UNC13C: variants seen among roughly 807,000 people sequenced by gnomAD.
UNC13C encodes the protein unc-13 homolog C.
A neutral mutation model predicts 245.4 loss-of-function variants in UNC13C; 174 were observed. The observed-to-expected ratio is 0.71, with a 90% CI of 0.63 to 0.80. The LOEUF (loss-of-function observed/expected upper bound fraction) is 0.80, where lower values mean the gene tolerates loss of function less well. Ranked by LOEUF, UNC13C falls within the 30% of genes least tolerant of loss-of-function variation. The pLI, the probability that UNC13C is intolerant of heterozygous loss-of-function variation, is 0.00. For synonymous variants in UNC13C, 992 were observed against 895.1 expected, an observed-to-expected ratio of 1.11 and a Z score of -1.93; for missense variants, 2,829 against 2,602.9, an observed-to-expected ratio of 1.09 and a Z score of -1.89.
At chr15:53,867,497 C>T in the UNC13C span, among the ~76,000 whole-genome samples, 3 of 152,194 alleles carry the variant, frequency 2.0e-5, no homozygotes, top group African/African-American at 7.2e-5. Flanking sequence ...ACAACTTCTG[C>T]AGTTCTTTAC....
intron 1 of UNC13C, among the ~76,000 whole-genome samples, chr15:54,005,090 C>A (rs1895076398): frequency 6.6e-6 from 1 of 152,098 alleles, no homozygotes. Flanking sequence ...TCTCTACTCT[C>A]CCTCCAAGTC....
At chr15:54,052,877 A>C (rs1267321939) in intron 2 of UNC13C, among the ~76,000 whole-genome samples, 1 of 152,240 alleles carries the variant, frequency 6.6e-6, no homozygotes, top group Non-Finnish European at 1.5e-5. Context: ...TGATGTGGTT[A>C]CTATCCAGCT....
At chr15:54,150,968 G>T (rs1344066479) in intron 4 of UNC13C, among the ~76,000 whole-genome samples, 1 of 152,136 alleles carries the variant, frequency 6.6e-6, no homozygotes, top group Non-Finnish European at 1.5e-5. Flanking sequence ...TTAAGAAAAT[G>T]GAGCTGTCAT....
chr15:53,854,986 A>G, the UNC13C span, among the ~76,000 whole-genome samples: 54 of 152,264 alleles, frequency 3.5e-4, no homozygotes, highest in African/African-American at 1.3e-3. Flanking sequence ...AGTGGTTTGT[A>G]GTTCTCCTTG....
intron 4 of UNC13C, among the ~76,000 whole-genome samples, chr15:54,228,512 T>A (rs1231296570): frequency 6.6e-6 from 1 of 151,956 alleles, no homozygotes; most frequent in African/African-American, 2.4e-5. Context: ...CCATGGCGAG[T>A]ACTACCTGGC....
chr15:53,923,368 T>G, the UNC13C span, among the ~76,000 whole-genome samples: 3 of 152,206 alleles, frequency 2.0e-5, no homozygotes, highest in Admixed American at 6.5e-5. Context: ...CTAGAAAAAT[T>G]TATTAAGTCT....
intron 17 of UNC13C, among the ~76,000 whole-genome samples, chr15:54,354,530 G>A (rs2140849662): frequency 6.6e-6 from 1 of 152,218 alleles, no homozygotes; most frequent in Non-Finnish European, 1.5e-5. Context: ...CATCTTCCAG[G>A]TATTTGGAAG....
At chr15:54,096,115 G>T (rs1489476513) in intron 2 of UNC13C, among the ~76,000 whole-genome samples, 1 of 152,192 alleles carries the variant, frequency 6.6e-6, no homozygotes, top group East Asian at 1.9e-4. Flanking sequence ...ATTGGAGTTT[G>T]AACTTCATTT....
intron 2 of UNC13C, among the ~76,000 whole-genome samples, chr15:54,103,938 T>C (rs1323184936): frequency 6.7e-6 from 1 of 148,850 alleles, no homozygotes; most frequent in Non-Finnish European, 1.5e-5. Flanking sequence ...AGAGACAGGG[T>C]TTCACCGTGT....
intron 10 of UNC13C, among the ~76,000 whole-genome samples, chr15:54,272,620 T>G (rs1032912130): frequency 1.3e-5 from 2 of 152,112 alleles, no homozygotes; most frequent in Non-Finnish European, 2.9e-5. Flanking sequence ...ATTTATTTAT[T>G]TATTTCTCTT....
chr15:54,384,693 A>G (rs2039799128), intron 17 of UNC13C, among the ~76,000 whole-genome samples: 1 of 152,168 alleles, frequency 6.6e-6, no homozygotes, highest in Non-Finnish European at 1.5e-5. Context: ...GCTTCTGCAC[A>G]ACAGAGAAAC....
the UNC13C span, among the ~76,000 whole-genome samples, chr15:53,944,620 T>G: frequency 3.3e-5 from 5 of 152,154 alleles, no homozygotes; most frequent in Admixed American, 3.3e-4. Context: ...ATAGTATATA[T>G]GTACCACATG....
intron 18 of UNC13C, among the ~76,000 whole-genome samples, chr15:54,413,870 T>C (rs539615157): frequency 3.8e-4 from 58 of 152,318 alleles, no homozygotes; most frequent in African/African-American, 1.4e-3. Context: ...TTCTTTGATA[T>C]AAATATTTTT....
chr15:53,842,668 A>T, the UNC13C span, among the ~76,000 whole-genome samples: 4 of 152,118 alleles, frequency 2.6e-5, no homozygotes, highest in Non-Finnish European at 4.4e-5. Context: ...GGAGATATTA[A>T]ACCTGAAAAT....
intron 30 of UNC13C, among the ~76,000 whole-genome samples, chr15:54,605,199 A>C (rs1362590381): frequency 3.3e-5 from 5 of 152,194 alleles, no homozygotes. Context: ...AACAATCAGC[A>C]ACCAATTTGT....
intron 2 of UNC13C, among the ~76,000 whole-genome samples, chr15:54,026,710 T>C (rs1896124347): frequency 6.6e-6 from 1 of 152,238 alleles, no homozygotes. Context: ...AGTTATCATC[T>C]GTATCCTGAT....
At chr15:53,923,750 C>T in the UNC13C span, among the ~76,000 whole-genome samples, 2 of 152,120 alleles carry the variant, frequency 1.3e-5, no homozygotes, top group Non-Finnish European at 2.9e-5. Context: ...CCTTAAGAAT[C>T]ATCTCTGTTT....
chr15:54,473,171 A>G (rs544532532), intron 19 of UNC13C, among the ~76,000 whole-genome samples: 16 of 151,796 alleles, frequency 1.1e-4, no homozygotes, highest in Non-Finnish European at 1.5e-4. Context: ...ATATGTATGC[A>G]TTAGATGTTT....
the UNC13C span, among the ~76,000 whole-genome samples, chr15:53,861,552 C>T: frequency 6.6e-6 from 1 of 152,110 alleles, no homozygotes; most frequent in Non-Finnish European, 1.5e-5. Flanking sequence ...TTGTCAAAAA[C>T]TCATTTCTTA....
Sources: allele counts gnomAD v4.1 joint callset (sites outside exome capture counted in the v4.1 genomes callset), GRCh38; gene constraint gnomAD v4.1.1; transcripts MANE v1.5; gene names NCBI Gene and HGNC (gene_info 2026-07-23, HGNC 2026-07-21).